Variants in PRKAG2 observed in about 807,000 individuals in gnomAD.
PRKAG2 encodes the protein 5'-AMP-activated protein kinase subunit gamma-2.
A neutral mutation model predicts 69.6 loss-of-function variants in PRKAG2; 26 were observed. The ratio of observed to expected loss-of-function variants is 0.37; its 90% CI spans 0.27 to 0.52. The LOEUF (loss-of-function observed/expected upper bound fraction) is 0.52, where lower values mean the gene tolerates loss of function less well. PRKAG2 is among the 20% of genes least tolerant of loss of function. The pLI is 0.90. For synonymous variants in PRKAG2, 293 were observed against 285.0 expected, an observed-to-expected ratio of 1.03 and a Z score of -0.28; for missense variants, 557 against 740.0, an observed-to-expected ratio of 0.75 and a Z score of 2.87.
intron 5 of PRKAG2, among the ~76,000 whole-genome samples, chr7:151,611,945 T>G (rs190460258): frequency 6.6e-6 from 1 of 152,114 alleles, no homozygotes; most frequent in East Asian, 1.9e-4. Context: ...CTCGAGAGAC[T>G]GAGGCTTGAG....
chr7:151,823,112 C>A (rs1285719950), intron 1 of PRKAG2, among the ~76,000 whole-genome samples: 2 of 140,424 alleles, frequency 1.4e-5, no homozygotes, highest in Non-Finnish European at 3.0e-5. Context: ...GCAGCAGGGG[C>A]CAGGCCACAG....
chr7:151,703,684 A>G (rs1357270428), intron 3 of PRKAG2, among the ~76,000 whole-genome samples: 1 of 151,846 alleles, frequency 6.6e-6, no homozygotes, highest in Non-Finnish European at 1.5e-5. Flanking sequence ...CTCCTCAGAT[A>G]ATCATCATCA....
intron 1 of PRKAG2, among the ~76,000 whole-genome samples, chr7:151,846,043 C>T (rs1297791590): frequency 6.6e-6 from 1 of 152,210 alleles, no homozygotes; most frequent in African/African-American, 2.4e-5. Flanking sequence ...GACCTCCCGG[C>T]CTGATCAGTG....
intron 1 of PRKAG2, among the ~76,000 whole-genome samples, chr7:151,795,217 C>T (rs537594266): frequency 2.0e-5 from 3 of 152,290 alleles, no homozygotes; most frequent in African/African-American, 7.2e-5. Context: ...GTGGAGGCTA[C>T]AGGAGTCTGG....
intron 1 of PRKAG2, among the ~76,000 whole-genome samples, chr7:151,816,609 C>T (rs774162871): frequency 1.3e-5 from 2 of 152,232 alleles, no homozygotes; most frequent in Non-Finnish European, 2.9e-5. Flanking sequence ...AACCAGAGGG[C>T]AGTGCTAGCA....
chr7:151,669,928 C>G (rs1443140494), intron 4 of PRKAG2, among the ~76,000 whole-genome samples: 1 of 145,038 alleles, frequency 6.9e-6, no homozygotes, highest in African/African-American at 2.6e-5. Context: ...GCACACACAC[C>G]TGTGCACACA....
intron 3 of PRKAG2, among the ~76,000 whole-genome samples, chr7:151,721,875 C>T (rs1797176615): frequency 6.6e-6 from 1 of 152,118 alleles, no homozygotes. Flanking sequence ...ACACATACTC[C>T]TTGTCCTAGA....
intron 3 of PRKAG2, among the ~76,000 whole-genome samples, chr7:151,679,823 G>A (rs1261146614): frequency 6.6e-6 from 1 of 152,146 alleles, no homozygotes; most frequent in Non-Finnish European, 1.5e-5. Flanking sequence ...CCGGCACTTT[G>A]GGAGGCTGAG....
intron 3 of PRKAG2, among the ~76,000 whole-genome samples, chr7:151,681,030 C>T (rs1396524566): frequency 6.6e-6 from 1 of 152,220 alleles, no homozygotes; most frequent in African/African-American, 2.4e-5. Flanking sequence ...GAGAATGCAA[C>T]TGTGACCAAG....
rs1437570539 is a variant in PRKAG2, at chr7:151,632,109, C to T, written c.714G>A (p.Ala238=). The change falls in exon 5 of 16, where the codon GCG becomes GCA. Residue 238 remains alanine, a synonymous_variant. Coordinates refer to ENST00000287878, the MANE Select transcript of PRKAG2 (RefSeq NM_016203.4). The surrounding 1 kb of genome is among the most constrained non-coding windows in gnomAD (Gnocchi z 4.2). ...CCAGCTTCTCCAGCATGCCGGCTTC[C>T]GCGGGTCCCAGGGCCGCCGCCAGCG... ...AAALAAALGP[A]EAGMLEKLEF... The T allele has an allele frequency of 2.1e-6, 3 of 1,415,012 alleles. No homozygotes were observed. Among genetic ancestry groups the T allele is most frequent in the Non-Finnish European group, 2.8e-6 (3 of 1,070,626 alleles). 87.7% of individuals were successfully genotyped at this position (1,415,012 alleles called of 1,614,324 possible). A position where few individuals can be genotyped will look rare whatever the true frequency, so the allele number is the denominator to read the frequency against.
At chr7:151,744,333 G>A (rs946289303) in intron 3 of PRKAG2, among the ~76,000 whole-genome samples, 4 of 152,188 alleles carry the variant, frequency 2.6e-5, no homozygotes, top group Non-Finnish European at 5.9e-5. Context: ...GCAGGTTGGA[G>A]CCCCACCCCA....
At chr7:151,715,538 T>C (rs891706458) in intron 3 of PRKAG2, among the ~76,000 whole-genome samples, 1 of 151,764 alleles carries the variant, frequency 6.6e-6, no homozygotes, top group Non-Finnish European at 1.5e-5. Context: ...GTATTTTTAG[T>C]AGAGACGGGG....
intron 3 of PRKAG2, among the ~76,000 whole-genome samples, chr7:151,727,884 G>A (rs117063192): frequency 0.014 from 2,106 of 152,292 alleles, 25 homozygotes; most frequent in Non-Finnish European, 0.024. Context: ...TCTTAGTGAT[G>A]TGAGTCATCA....
intron 1 of PRKAG2, chr7:151,810,623 GGCT>G (rs2078369159): frequency 6.5e-6 from 1 of 153,330 alleles, no homozygotes; most frequent in Non-Finnish European, 1.5e-5. Context: ...CCCATGGGCT[GGCT>G]CTGTACCCGC....
At chr7:151,653,612 C>T (rs574279046) in intron 4 of PRKAG2, among the ~76,000 whole-genome samples, 11 of 152,198 alleles carry the variant, frequency 7.2e-5, no homozygotes, top group South Asian at 4.1e-4. Context: ...GAGTCTGAGG[C>T]GGGCCGATCA....
chr7:151,820,598 ACCG>A (rs1178213445), intron 1 of PRKAG2, among the ~76,000 whole-genome samples: 4,359 of 46,606 alleles, frequency 0.094, 400 homozygotes, highest in Non-Finnish European at 0.13. Context: ...TACTCGGAAC[ACCG>A]CTCCGTGGCC....
At chr7:151,740,165 A>G (rs563732685) in intron 3 of PRKAG2, among the ~76,000 whole-genome samples, 11 of 152,288 alleles carry the variant, frequency 7.2e-5, no homozygotes, top group African/African-American at 2.6e-4. Context: ...TGGAGGGACT[A>G]CCTGGCCAGG....
At chr7:151,842,328 G>A (rs2079320926) in intron 1 of PRKAG2, among the ~76,000 whole-genome samples, 1 of 142,032 alleles carries the variant, frequency 7.0e-6, no homozygotes, top group Admixed American at 6.9e-5. Context: ...TGGTAGTGAT[G>A]GTAGGTAGTG....
At chr7:151,692,765 C>T (rs549179710) in intron 3 of PRKAG2, among the ~76,000 whole-genome samples, 3 of 152,266 alleles carry the variant, frequency 2.0e-5, no homozygotes, top group South Asian at 2.1e-4. Flanking sequence ...ACCTTGCCTC[C>T]GCCTTGGGGC....
Sources: allele counts gnomAD v4.1 joint callset (sites outside exome capture counted in the v4.1 genomes callset), GRCh38; gene constraint gnomAD v4.1.1; non-coding constraint Gnocchi (gnomAD v3.1); transcripts MANE v1.5; gene names NCBI Gene and HGNC (gene_info 2026-07-23, HGNC 2026-07-21).